Variants in CORIN observed in about 807,000 individuals in gnomAD.
The protein encoded by CORIN is corin, serine peptidase.
In CORIN, 117 loss-of-function variants were observed where a neutral mutation model predicts 125.3. That is an observed-to-expected ratio of 0.93 (90% confidence interval 0.80 to 1.09). The LOEUF is 1.09. CORIN is among the 50% of genes least tolerant of loss of function. The probability of loss-of-function intolerance (pLI) is 0.00; values close to 1 mark genes in which losing one functional copy is unlikely to be tolerated. For synonymous variants in CORIN, 450 were observed against 466.4 expected, an observed-to-expected ratio of 0.96 and a Z score of 0.45; for missense variants, 1,253 against 1,306.7, an observed-to-expected ratio of 0.96 and a Z score of 0.63.
chr4:47,686,760 G>C (rs1421122519), intron 6 of CORIN, among the ~76,000 whole-genome samples: 2 of 152,190 alleles, frequency 1.3e-5, no homozygotes, highest in Non-Finnish European at 2.9e-5. Context: ...GTATACGCAT[G>C]CATTCGCCCA....
intron 13 of CORIN, among the ~76,000 whole-genome samples, chr4:47,647,511 AAATAAT>A (rs201407535): frequency 2.0e-5 from 3 of 151,952 alleles, no homozygotes; most frequent in African/African-American, 7.3e-5. Flanking sequence ...GCATCCTCAC[AAATAAT>A]AATAATAATA....
intron 4 of CORIN, among the ~76,000 whole-genome samples, chr4:47,757,556 C>A (rs1313395408): frequency 1.3e-5 from 2 of 152,000 alleles, no homozygotes; most frequent in Non-Finnish European, 2.9e-5. Context: ...GATCACACTA[C>A]TACACTCCAG....
chr4:47,615,513 T>C lies in CORIN; in HGVS notation c.2540+8058A>G, dbSNP rs1376005982. ...GGAAATAGGGACTTTATGGAGGTAA[T>C]CAAGTTAAAATAACCTCATCAGGAT... On this transcript the variant is annotated intron_variant, in intron 19 of 21. Transcript: ENST00000273857. Among the ~76,000 whole-genome samples, 4 of 152,316 alleles carry C rather than the reference T, an allele frequency of 2.6e-5. No homozygotes were observed. The East Asian group carries it at 7.7e-4, about 29-fold the overall frequency.
chr4:47,642,174 A>T, intron 15 of CORIN, 125 bp from the exon 16 acceptor site: 3 of 955,198 alleles, frequency 3.1e-6, no homozygotes, highest in South Asian at 3.2e-5. Context: ...TAATCATTTG[A>T]TGTGTACCTA....
chr4:47,650,323 G>A (rs887829906), intron 13 of CORIN, among the ~76,000 whole-genome samples: 1 of 152,292 alleles, frequency 6.6e-6, no homozygotes, highest in Non-Finnish European at 1.5e-5. Flanking sequence ...TGATCAATTA[G>A]TAATTTTGAT....
At chr4:47,601,497 C>A (rs1303919769) in intron 20 of CORIN, among the ~76,000 whole-genome samples, 1 of 151,766 alleles carries the variant, frequency 6.6e-6, no homozygotes, top group Non-Finnish European at 1.5e-5. Context: ...CACACACCCC[C>A]ATGCCAAGCT....
At chr4:47,694,294 A>G (rs982489741) in intron 5 of CORIN, among the ~76,000 whole-genome samples, 3 of 152,198 alleles carry the variant, frequency 2.0e-5, no homozygotes, top group African/African-American at 7.2e-5. Flanking sequence ...TTTACTTTTT[A>G]CTGTATTGTA....
chr4:47,632,729 A>AGATAGAT (rs1553905885), intron 16 of CORIN, among the ~76,000 whole-genome samples: 9 of 108,104 alleles, frequency 8.3e-5, no homozygotes, highest in South Asian at 2.7e-4. Context: ...AATAGATGAT[A>AGATAGAT]GATAGATAGA....
intron 19 of CORIN, among the ~76,000 whole-genome samples, chr4:47,615,943 G>A (rs1211822153): frequency 6.6e-6 from 1 of 152,214 alleles, no homozygotes; most frequent in Non-Finnish European, 1.5e-5. Flanking sequence ...TAAAGTAAAT[G>A]TGAGAAGAAT....
chr4:47,729,459 G>A (rs186137646), intron 5 of CORIN, among the ~76,000 whole-genome samples: 17 of 152,206 alleles, frequency 1.1e-4, no homozygotes, highest in Non-Finnish European at 2.1e-4. Context: ...GGAGATATCT[G>A]GGGCAAGAAC....
chr4:47,679,663 C>T (rs938030311), intron 8 of CORIN: 2 of 153,978 alleles, frequency 1.3e-5, no homozygotes, highest in African/African-American at 4.8e-5. Context: ...ATTATGCTCT[C>T]TTTGTATCAT....
At chr4:47,789,250 G>A (rs1188393174) in intron 2 of CORIN, among the ~76,000 whole-genome samples, 1 of 152,176 alleles carries the variant, frequency 6.6e-6, no homozygotes, top group Non-Finnish European at 1.5e-5. Flanking sequence ...GTTGCAGTGA[G>A]CCGAGTTTGC....
At chr4:47,710,974 A>C (rs1275655700) in intron 5 of CORIN, among the ~76,000 whole-genome samples, 1 of 152,220 alleles carries the variant, frequency 6.6e-6, no homozygotes, top group Non-Finnish European at 1.5e-5. Flanking sequence ...ATCCCTTCTG[A>C]GAGTAGGGTC....
chr4:47,618,762 T>C (rs1722184074), intron 19 of CORIN, among the ~76,000 whole-genome samples: 1 of 150,844 alleles, frequency 6.6e-6, no homozygotes, highest in African/African-American at 2.4e-5. Flanking sequence ...GAGCTTGCAG[T>C]GAGCCAAGAT....
At chr4:47,704,382 T>C (rs1726452398) in intron 5 of CORIN, among the ~76,000 whole-genome samples, 1 of 152,134 alleles carries the variant, frequency 6.6e-6, no homozygotes, top group Non-Finnish European at 1.5e-5. Context: ...GTTTCCAGAA[T>C]CTTCACAGGA....
intron 6 of CORIN, among the ~76,000 whole-genome samples, chr4:47,691,831 C>T (rs1362317994): frequency 2.0e-5 from 3 of 152,068 alleles, no homozygotes; most frequent in Non-Finnish European, 4.4e-5. Context: ...AACTGCCATT[C>T]AGTAGTTCTG....
intron 3 of CORIN, among the ~76,000 whole-genome samples, chr4:47,772,571 A>C (rs1428061400): frequency 2.0e-5 from 3 of 152,224 alleles, no homozygotes; most frequent in Non-Finnish European, 4.4e-5. Flanking sequence ...TTTTCTATAC[A>C]TAATATGGTG....
intron 6 of CORIN, among the ~76,000 whole-genome samples, chr4:47,684,325 A>C (rs1725418500): frequency 6.6e-6 from 1 of 152,228 alleles, no homozygotes; most frequent in African/African-American, 2.4e-5. Flanking sequence ...AGTGTTTCAT[A>C]ATGCAATCCT....
chr4:47,786,921 T>A lies in CORIN; in HGVS notation c.213A>T (p.Thr71=). 6.2e-7 allele frequency: 1 copy of A among 1,607,214 alleles called. No homozygotes were observed. Among genetic ancestry groups the A allele is most frequent in the Non-Finnish European group, 8.5e-7 (1 of 1,175,688 alleles). Residue 71 remains threonine, a synonymous_variant, in exon 3 of 22, where the codon ACA becomes ACT. Coordinates refer to ENST00000273857, the MANE Select transcript of CORIN (RefSeq NM_006587.4). ...LLVILLSYVG[T]LQKVYFKSNG... ...TTGATTTAAAATAGACCTTTTGTAA[T>A]GTTCCTGAAAGACAAAAACAAACAC...
Sources: gnomAD v4.1 joint callset for allele counts (sites outside exome capture counted in the v4.1 genomes callset) on GRCh38, gnomAD v4.1.1 for gene constraint, MANE v1.5 for transcripts, NCBI Gene and HGNC (gene_info 2026-07-23, HGNC 2026-07-21) for gene names.